The following CARHSP1 variants were observed in gnomAD, a reference collection of about 807,000 sequenced individuals.
The protein encoded by CARHSP1 is calcium regulated heat stable protein 1.
Under a neutral mutation model 12.5 loss-of-function variants are expected in CARHSP1, and 14 were observed. The ratio of observed to expected loss-of-function variants is 1.12; its 90% CI spans 0.74 to 1.75. The LOEUF is 1.75. Among genes scored for constraint, CARHSP1 ranks in the 40% most tolerant of loss-of-function variants. The probability of loss-of-function intolerance (pLI) is 0.00; values close to 1 mark genes in which losing one functional copy is unlikely to be tolerated. For synonymous variants in CARHSP1, 161 were observed against 82.0 expected, an observed-to-expected ratio of 1.96 and a Z score of -5.20; for missense variants, 343 against 201.6, an observed-to-expected ratio of 1.70 and a Z score of -4.25.
At chr16:8,865,946 T>C (rs2061447607) in intron 1 of CARHSP1, among the ~76,000 whole-genome samples, 1 of 151,922 alleles carries the variant, frequency 6.6e-6, no homozygotes, top group Non-Finnish European at 1.5e-5. Context: ...GGGCCTGAGA[T>C]TCTTCATTTC....
At chr16:8,862,767 A>T (rs2061388693) in intron 1 of CARHSP1, among the ~76,000 whole-genome samples, 1 of 152,192 alleles carries the variant, frequency 6.6e-6, no homozygotes, top group Non-Finnish European at 1.5e-5. Flanking sequence ...GGGAGGCAGG[A>T]AAGGCGGTGG....
In CARHSP1 at chr16:8,859,082, G is replaced by A. The variant is rs567353818; in HGVS notation, c.158+89C>T. 3.8e-6 allele frequency: 5 copies of A among 1,315,758 alleles called. No homozygotes were observed. The East Asian group carries it at 7.7e-5, about 20-fold the overall frequency. The allele number at this position is 1,315,758 out of a possible 1,614,324, so 81.5% of individuals were successfully genotyped here. A position where few individuals can be genotyped will look rare whatever the true frequency, so the allele number is the denominator to read the frequency against. On this transcript the variant is annotated intron_variant, in intron 2 of 3. Coordinates refer to ENST00000311052, the MANE Select transcript of CARHSP1 (RefSeq NM_014316.4). ...TGCCTATTTGGCAGTCCGGGACATA[G>A]GCCCAAAAATGGCCAGAGACACAGT...
intron 1 of CARHSP1, among the ~76,000 whole-genome samples, chr16:8,865,892 G>T (rs1387350611): frequency 6.6e-6 from 1 of 152,178 alleles, no homozygotes; most frequent in East Asian, 1.9e-4. Flanking sequence ...GAATCTCTGG[G>T]GATCTTGTTC....
At position 8,859,213 on chromosome 16, in the gene CARHSP1, A is replaced by G. The variant is rs763673811; in HGVS notation, c.116T>C (p.Val39Ala). 10 of 1,602,024 alleles carry G rather than the reference A, an allele frequency of 6.2e-6. No homozygotes were observed. Among genetic ancestry groups the G allele is most frequent in the Non-Finnish European group, 8.5e-6 (10 of 1,176,092 alleles). The change falls in exon 2 of 4, where the codon GTC becomes GCC. Residue 39 changes from valine to alanine, a missense_variant. Physicochemically the swap from Val to Ala is moderately conservative, Grantham distance 64. Coordinates refer to ENST00000311052, the MANE Select transcript of CARHSP1 (RefSeq NM_014316.4). ...CCGGCGAGTGGGCAGTGGGCTTGGG[A>G]CCACGTTGCCCCGCAGAGGGGATGG... The part of the protein sequence containing the change: ...RSPSPLRGNV[V>A]PSPLPTRRTR...
rs373220645 is a variant in CARHSP1, at chr16:8,855,712, G to A, written c.282-386C>T. Among the ~76,000 whole-genome samples the A allele has an allele frequency of 6.6e-5, 10 of 152,310 alleles. No individual in the cohort carries two copies. The East Asian group carries it at 1.4e-3, about 21-fold the overall frequency. On this transcript the variant is annotated intron_variant, in intron 3 of 3. Coordinates refer to ENST00000311052, the MANE Select transcript of CARHSP1 (RefSeq NM_014316.4). ...CAAGGCCATCATGGAGTGAGAATCC[G>A]AGTTGAGGGGTGGCCTGGGCAGGGC...
chr16:8,866,507 C>G (rs2061457498), intron 1 of CARHSP1: 1 of 982,434 alleles, frequency 1.0e-6, no homozygotes, highest in African/African-American at 1.7e-5. Flanking sequence ...GAGCCCCAGC[C>G]TGGGAGAACT....
chr16:8,857,301 A>G (rs1442031310), intron 3 of CARHSP1, among the ~76,000 whole-genome samples: 3 of 24,786 alleles, frequency 1.2e-4, no homozygotes, highest in African/African-American at 1.3e-4. Flanking sequence ...TTTTTTTTTG[A>G]GATGGAGTTT....
In CARHSP1 at chr16:8,858,358, GTGCAGGAAGA is replaced by G. The variant is rs1567182752; in HGVS notation, c.263_272del (p.Ile88ThrfsTer136). The G allele has an allele frequency of 1.2e-6, 2 of 1,613,748 alleles. No individual in the cohort carries two copies. The highest frequency in any genetic ancestry group is 1.7e-6 in the Non-Finnish European group (2 of 1,179,986). On this transcript the variant is annotated frameshift_variant, in exon 3 of 4. Transcript: ENST00000311052. LOFTEE classifies it high-confidence loss of function. ...ACCTGCCGCTGACTCACTCAGAGATGTGCAGGAAGATGTCGGGGCCGCCATCAGCTGGAGT... is the reference window on the plus strand; with the variant it reads ...ACCTGCCGCTGACTCACTCAGAGATGTGTCGGGGCCGCCATCAGCTGGAGT...
rs146191032 is a variant in CARHSP1, at chr16:8,858,383, T to C, written c.248A>G (p.Asp83Gly). The stretch of plus-strand genomic sequence containing the variant: ...GTGCAGGAAGATGTCGGGGCCGCCA[T>C]CAGCTGGAGTAATGAAGCCATGGCC... ...SKGHGFITPA[D>G]GGPDIFLHIS... The change falls in exon 3 of 4, where the codon GAT becomes GGT. Residue 83 changes from aspartate (D) to glycine (G), a missense_variant. Physicochemically the swap from Asp to Gly is moderately conservative, Grantham distance 94. Transcript: ENST00000311052. 2.5e-6 allele frequency: 4 copies of C among 1,613,976 alleles called. No homozygotes were observed. In the South Asian group the frequency reaches 4.4e-5, roughly 18 times the overall value.
chr16:8,859,300 TGTG>T lies in CARHSP1; in HGVS notation c.26_28del (p.Pro9del), dbSNP rs750965759. 4 of 1,593,216 alleles carry T rather than the reference TGTG, an allele frequency of 2.5e-6. No individual in the cohort carries two copies. The highest frequency in any genetic ancestry group is 3.4e-6 in the Non-Finnish European group (4 of 1,173,182). On this transcript the variant is annotated inframe_deletion, in exon 2 of 4. Coordinates refer to ENST00000311052, the MANE Select transcript of CARHSP1 (RefSeq NM_014316.4). ...GACTGAAGCTTGATGGGTGGGGGGC[TGTG>T]GTGGTGGGGGAGGCTCAGATGACAT...
chr16:8,867,761 G>A (rs911685164), intron 1 of CARHSP1: 5 of 152,366 alleles, frequency 3.3e-5, no homozygotes, highest in Non-Finnish European at 7.3e-5. Context: ...CTCCAAGGAG[G>A]ACCCCGAGCC....
chr16:8,853,843 T>G lies in CARHSP1; in HGVS notation c.*1321A>C, dbSNP rs141826586. 18 of 152,230 alleles carry G rather than the reference T, an allele frequency of 1.2e-4. No homozygotes were observed. Among genetic ancestry groups the G allele is most frequent in the Admixed American group, 1.2e-3 (18 of 15,286 alleles). 9.4% of individuals were successfully genotyped at this position (152,230 alleles called of 1,614,324 possible). A position where few individuals can be genotyped will look rare whatever the true frequency, so the allele number is the denominator to read the frequency against. On this transcript the variant is annotated 3_prime_UTR_variant, in exon 4 of 4. Transcript: ENST00000311052. ...GCTCACACTTGTAATCCCAGCACTT[T>G]GAGAGGCCGAGATGGGCAGATCATC...
At chr16:8,866,863 G>A (rs540085673) in intron 1 of CARHSP1, among the ~76,000 whole-genome samples, 12 of 152,224 alleles carry the variant, frequency 7.9e-5, no homozygotes, top group South Asian at 2.1e-4. Flanking sequence ...GGTGCAGCCC[G>A]GCGCCTACGT....
intron 2 of CARHSP1, 23 bp downstream of exon 2, chr16:8,859,148 T>G (rs2061256118): frequency 1.9e-6 from 3 of 1,569,512 alleles, no homozygotes; most frequent in Non-Finnish European, 2.6e-6. Flanking sequence ...TGAGAACGCG[T>G]CCCCAGCCTG....
chr16:8,862,019 A>ATTTTTTTTTTTTTTTTTTT (rs1555457429), intron 1 of CARHSP1, among the ~76,000 whole-genome samples: 136 of 72,482 alleles, frequency 1.9e-3, no homozygotes, highest in Non-Finnish European at 2.8e-3. Flanking sequence ...TTTTTTTTTA[A>ATTTTTTTTTTTTTTTTTTT]TTTGAGATGG....
intron 1 of CARHSP1, among the ~76,000 whole-genome samples, chr16:8,862,329 C>T (rs1024253307): frequency 2.0e-5 from 3 of 152,086 alleles, no homozygotes; most frequent in Admixed American, 1.3e-4. Context: ...ATAATACACA[C>T]TAAGCACTGG....
chr16:8,855,270 G>A lies in CARHSP1; in HGVS notation c.338C>T (p.Ser113Phe), dbSNP rs373801670. The A allele has an allele frequency of 1.3e-4, 215 of 1,612,792 alleles. 1 individual carries two copies. Among genetic ancestry groups the A allele is most frequent in the Non-Finnish European group, 1.6e-4 (188 of 1,179,324 alleles). ...CAGCTTCTCATTCTTGGGTGGGATG[G>A]AGCACATTTTATAGGTGACCTCGTC... ...EGDEVTYKMCSIPPKNEKLQA... is the reference protein window; with the variant it reads ...EGDEVTYKMCFIPPKNEKLQA... The change falls in exon 4 of 4, where the codon TCC becomes TTC. Residue 113 changes from serine (S) to phenylalanine (F), a missense_variant. Transcript: ENST00000311052.
At chr16:8,860,272 C>T (rs1455114029) in intron 1 of CARHSP1, 31 of 983,060 alleles carry the variant, frequency 3.2e-5, no homozygotes, top group Middle Eastern at 5.2e-4. Flanking sequence ...CCAGCTCCAT[C>T]AGGCCCAGTG....
chr16:8,858,417 G>T lies in CARHSP1; in HGVS notation c.214C>A (p.Arg72=). Residue 72 remains arginine (R), a synonymous_variant, in exon 3 of 4, where the codon CGG becomes AGG. Coordinates refer to ENST00000311052, the MANE Select transcript of CARHSP1 (RefSeq NM_014316.4). ...VYKGVCKCFC[R]SKGHGFITPA... ...GTAATGAAGCCATGGCCCTTGGACC[G>T]GCAGAAGCATTTGCAGACTCCTTTG... 1 of 1,614,024 alleles carries T rather than the reference G, an allele frequency of 6.2e-7. No homozygotes were observed. The highest frequency in any genetic ancestry group is 8.5e-7 in the Non-Finnish European group (1 of 1,180,018).
Sources: gnomAD v4.1 joint callset for allele counts (sites outside exome capture counted in the v4.1 genomes callset) on GRCh38, gnomAD v4.1.1 for gene constraint, MANE v1.5 for transcripts, NCBI Gene and HGNC (gene_info 2026-07-23, HGNC 2026-07-21) for gene names.